Variants in ABL2 observed in about 807,000 individuals in gnomAD.
The protein encoded by ABL2 is ABL proto-oncogene 2, non-receptor tyrosine kinase, also known as tyrosine-protein kinase ABL2.
Under a neutral mutation model 107.7 loss-of-function variants are expected in ABL2, and 49 were observed. The observed-to-expected ratio is 0.45, with a 90% CI of 0.36 to 0.58. ABL2 has a LOEUF of 0.58. Ranked by LOEUF, ABL2 falls within the 20% of genes least tolerant of loss-of-function variation. The pLI is 0.00. For missense variants in ABL2, 1,245 were observed against 1,457.0 expected (o/e 0.85, Z 2.37); for synonymous variants, 549 against 548.6 (o/e 1.00, Z -0.01).
chr1:179,229,196 C>CCA, intron 1 of ABL2, 45 bp downstream of exon 1: 1 of 1,334,466 alleles, frequency 7.5e-7, no homozygotes, highest in Non-Finnish European at 9.9e-7. Context: ...CGACCCCACC[C>CCA]CCGGCCTCCC....
intron 1 of ABL2, among the ~76,000 whole-genome samples, chr1:179,193,917 T>A (rs1211098739): frequency 6.6e-6 from 1 of 152,028 alleles, no homozygotes; most frequent in Admixed American, 6.6e-5. Context: ...TGTATTTTTT[T>A]AGTAGAGATA....
intron 1 of ABL2, among the ~76,000 whole-genome samples, chr1:179,199,040 G>C (rs1021765367): frequency 7.2e-5 from 11 of 151,754 alleles, no homozygotes; most frequent in Non-Finnish European, 1.2e-4. Context: ...TGGGGGTTTC[G>C]CCATGTTGGC....
At chr1:179,210,728 C>T (rs1486714427) in intron 1 of ABL2, among the ~76,000 whole-genome samples, 2 of 151,276 alleles carry the variant, frequency 1.3e-5, no homozygotes, top group Non-Finnish European at 3.0e-5. Context: ...GTGGCGGGCG[C>T]CTGTAGTCCC....
At chr1:179,219,495 C>G (rs563733040) in intron 1 of ABL2, among the ~76,000 whole-genome samples, 28 of 152,264 alleles carry the variant, frequency 1.8e-4, no homozygotes, top group Admixed American at 1.6e-3. Flanking sequence ...ACAAATGGGC[C>G]AACTTAGAAT....
Position 179,110,457 on chromosome 1 carries a change from T to G in ABL2, c.1652-2A>C. ...CTCTCCCAAGCTCCTCAGCTACCTC[T>G]GTGAGGAAGACAAGGGGACCAATAA... On this transcript the variant is annotated splice_acceptor_variant, in intron 10 of 11. Coordinates refer to ENST00000502732, the MANE Select transcript of ABL2 (RefSeq NM_007314.4). LOFTEE classifies it high-confidence loss of function. 6.2e-7 allele frequency: 1 copy of G among 1,603,380 alleles called. No individual in the cohort carries two copies. Among genetic ancestry groups the G allele is most frequent in the South Asian group, 1.1e-5 (1 of 88,632 alleles).
At chr1:179,155,199 G>A (rs1344607004) in intron 1 of ABL2, among the ~76,000 whole-genome samples, 1 of 152,176 alleles carries the variant, frequency 6.6e-6, no homozygotes, top group Non-Finnish European at 1.5e-5. Context: ...ATCTTCTGGT[G>A]AAGACTTTGA....
intron 3 of ABL2, among the ~76,000 whole-genome samples, chr1:179,128,140 C>G (rs1655921514): frequency 1.3e-5 from 2 of 151,538 alleles, no homozygotes; most frequent in Non-Finnish European, 1.5e-5. Context: ...CCTTCAGAAA[C>G]GTTTCCATAG....
intron 1 of ABL2, among the ~76,000 whole-genome samples, chr1:179,144,162 A>T (rs1657826418): frequency 6.6e-6 from 1 of 152,184 alleles, no homozygotes; most frequent in Non-Finnish European, 1.5e-5. Context: ...AAATAATATT[A>T]AAGAGCGTTT....
At chr1:179,212,237 T>C (rs1662316865) in intron 1 of ABL2, among the ~76,000 whole-genome samples, 1 of 152,146 alleles carries the variant, frequency 6.6e-6, no homozygotes, top group African/African-American at 2.4e-5. Context: ...CCTTGACACG[T>C]GGGGATTATT....
Position 179,121,866 on chromosome 1 carries a change from A to G in ABL2, c.689T>C (p.Val230Ala), listed in dbSNP as rs749467705. ...GAAGCGGCTCTCAGCAGTCACATACACCTGGTAAGAAAAGGAGAAAAGCTA... is the reference window on the plus strand; with the variant it reads ...GAAGCGGCTCTCAGCAGTCACATACGCCTGGTAAGAAAAGGAGAAAAGCTA... ...YRINTTADGK[V>A]YVTAESRFST... The change falls in exon 5 of 12, where the codon GTG (valine) becomes GCG (alanine). Residue 230 changes from valine (V) to alanine (A), a missense_variant and splice_region_variant. Transcript: ENST00000502732. The G allele has an allele frequency of 3.2e-5, 51 of 1,594,024 alleles. No individual in the cohort carries two copies. Among genetic ancestry groups the G allele is most frequent in the South Asian group, 1.4e-4 (12 of 88,344 alleles).
intron 1 of ABL2, among the ~76,000 whole-genome samples, chr1:179,189,882 G>A (rs979061704): frequency 6.6e-6 from 1 of 151,752 alleles, no homozygotes; most frequent in Non-Finnish European, 1.5e-5. Flanking sequence ...GTGCAACGGC[G>A]TGATCTCGGC....
chr1:179,198,172 CAA>C (rs201688067), intron 1 of ABL2, among the ~76,000 whole-genome samples: 72 of 63,484 alleles, frequency 1.1e-3, no homozygotes, highest in Admixed American at 1.4e-3. Flanking sequence ...AACCCTGTGC[CAA>C]AAAAAAAAAA....
At chr1:179,118,127 T>C (rs1286207023) in intron 7 of ABL2, among the ~76,000 whole-genome samples, 1 of 149,540 alleles carries the variant, frequency 6.7e-6, no homozygotes, top group Non-Finnish European at 1.5e-5. Context: ...CATTCCAGCC[T>C]GGGCGATGGA....
At chr1:179,139,571 C>T (rs1029727046) in intron 1 of ABL2, among the ~76,000 whole-genome samples, 2 of 152,194 alleles carry the variant, frequency 1.3e-5, no homozygotes, top group African/African-American at 4.8e-5. Context: ...TCAGAAATTC[C>T]ATTGGCACTG....
intron 1 of ABL2, 34 bp downstream of exon 1, chr1:179,229,207 C>CCCCCCCCCCCCACA: frequency 6.7e-7 from 1 of 1,485,454 alleles, no homozygotes; most frequent in African/African-American, 1.5e-5. Flanking sequence ...CCGGCCTCCC[C>CCCCCCCCCCCCACA]CACGCTCTCA....
At chr1:179,215,885 A>C (rs1662536691) in intron 1 of ABL2, among the ~76,000 whole-genome samples, 1 of 152,192 alleles carries the variant, frequency 6.6e-6, no homozygotes, top group South Asian at 2.1e-4. Context: ...GCTAAGTGGT[A>C]ATCTTCAGTC....
chr1:179,179,647 G>A (rs766355769), intron 1 of ABL2, among the ~76,000 whole-genome samples: 2 of 152,100 alleles, frequency 1.3e-5, no homozygotes, highest in African/African-American at 2.4e-5. Flanking sequence ...TAGAGCAAGA[G>A]TGTCTACTAG....
chr1:179,103,141 A>T lies in ABL2; in HGVS notation c.*4577T>A, dbSNP rs1653242033. ...CTTCTGTGTTCTGGAGTGAGTACAC[A>T]TTCTTACTTTTTAAAGATCGGAATT... On this transcript the variant is annotated 3_prime_UTR_variant, in exon 12 of 12. Transcript: ENST00000502732. 4.6e-6 allele frequency: 1 copy of T among 218,344 alleles called. No individual in the cohort carries two copies. Among genetic ancestry groups the T allele is most frequent in the Admixed American group, 5.8e-5 (1 of 17,228 alleles). 13.5% of individuals were successfully genotyped at this position (218,344 alleles called of 1,614,324 possible).
At chr1:179,226,616 C>T (rs2124879484) in intron 1 of ABL2, among the ~76,000 whole-genome samples, 2 of 152,208 alleles carry the variant, frequency 1.3e-5, no homozygotes, top group South Asian at 4.1e-4. Context: ...CGAATTACTC[C>T]TGTTTTTAAT....
Sources: gnomAD v4.1 joint callset for allele counts (sites outside exome capture counted in the v4.1 genomes callset) on GRCh38, gnomAD v4.1.1 for gene constraint, MANE v1.5 for transcripts, NCBI Gene and HGNC (gene_info 2026-07-23, HGNC 2026-07-21) for gene names.